PDCL2: variants seen among roughly 807,000 people sequenced by gnomAD.
The protein encoded by PDCL2 is phosducin like 2, also known as phosducin-like protein 2.
PDCL2 carries 23 observed loss-of-function variants against 30.3 expected under a neutral mutation model. The observed-to-expected ratio is 0.76, with a 90% confidence interval of 0.55 to 1.08. The LOEUF is 1.08. Ranked by LOEUF, PDCL2 falls within the 50% of genes least tolerant of loss-of-function variation. PDCL2 has a pLI of 0.00. For synonymous variants in PDCL2, 68 were observed against 86.2 expected (o/e 0.79, Z 1.17); for missense variants, 243 against 282.3 (o/e 0.86, Z 1.00).
At chr4:55,577,798 C>G (rs1199284057) in intron 3 of PDCL2, among the ~76,000 whole-genome samples, 1 of 152,076 alleles carries the variant, frequency 6.6e-6, no homozygotes, top group Non-Finnish European at 1.5e-5. Flanking sequence ...GTCTTAAAGT[C>G]TTTGTCTAGT....
At chr4:55,570,783 C>CT (rs969237439) in intron 3 of PDCL2, among the ~76,000 whole-genome samples, 17 of 152,192 alleles carry the variant, frequency 1.1e-4, no homozygotes, top group South Asian at 4.1e-4. Context: ...TGAAGCAAAT[C>CT]TAAATGGTTT....
chr4:55,589,237 G>C (rs1035123138), intron 1 of PDCL2, among the ~76,000 whole-genome samples: 1 of 152,120 alleles, frequency 6.6e-6, no homozygotes, highest in Admixed American at 6.6e-5. Flanking sequence ...TTGGTTCATG[G>C]TCTCATGGTG....
intron 3 of PDCL2, among the ~76,000 whole-genome samples, chr4:55,579,636 A>G (rs1163751225): frequency 6.6e-6 from 1 of 152,144 alleles, no homozygotes; most frequent in Admixed American, 6.5e-5. Context: ...TCTGAGTGCT[A>G]TATGTGCTCA....
At chr4:55,584,200 G>T (rs1480093321) in intron 1 of PDCL2, among the ~76,000 whole-genome samples, 4 of 151,828 alleles carry the variant, frequency 2.6e-5, no homozygotes, top group Admixed American at 2.6e-4. Context: ...TTCTTTCTCT[G>T]ATAGTTCATT....
chr4:55,568,095 A>G (rs1232366219), intron 4 of PDCL2, among the ~76,000 whole-genome samples: 1 of 152,184 alleles, frequency 6.6e-6, no homozygotes, highest in Non-Finnish European at 1.5e-5. Context: ...ACAGGGCTAT[A>G]ATTTGCATAA....
At chr4:55,562,369 C>G in intron 5 of PDCL2, 35 bp downstream of exon 5, 1 of 1,318,092 alleles carries the variant, frequency 7.6e-7, no homozygotes, top group African/African-American at 1.5e-5. Flanking sequence ...GATGTTTTCA[C>G]CTATCATTTT....
At chr4:55,563,165 AC>A (rs1480218888) in intron 4 of PDCL2, among the ~76,000 whole-genome samples, 1 of 152,162 alleles carries the variant, frequency 6.6e-6, no homozygotes, top group Admixed American at 6.5e-5. Flanking sequence ...TGTGACCACA[AC>A]CTCAGCTCTT....
Position 55,556,665 on chromosome 4 carries a change from C to T in PDCL2, c.618G>A (p.Leu206=), listed in dbSNP as rs1237416117. 1.9e-6 allele frequency: 3 copies of T among 1,569,756 alleles called. No homozygotes were observed. The highest frequency in any genetic ancestry group is 2.6e-6 in the Non-Finnish European group (3 of 1,155,556). ...CCATGTCTTTTCTGGGGTTTTCTTC[C>T]AAATCAGTCTGTATTGCTCCAACTT... The part of the protein sequence containing the change: ...LAEVGAIQTD[L]EENPRKDMVD... The change falls in exon 6 of 6, where the codon TTG becomes TTA. Residue 206 remains leucine (L), a synonymous_variant. Transcript: ENST00000295645.
At chr4:55,567,970 T>C (rs1055215071) in intron 4 of PDCL2, among the ~76,000 whole-genome samples, 5 of 152,240 alleles carry the variant, frequency 3.3e-5, no homozygotes, top group African/African-American at 1.2e-4. Context: ...ACCAAGAGTT[T>C]TAGTTATAAT....
chr4:55,585,188 T>C (rs1222751841), intron 1 of PDCL2, among the ~76,000 whole-genome samples: 1 of 152,202 alleles, frequency 6.6e-6, no homozygotes, highest in African/African-American at 2.4e-5. Flanking sequence ...TCTTTTCTTG[T>C]AATGTCCAGG....
At chr4:55,571,345 C>T (rs1732418032) in intron 3 of PDCL2, among the ~76,000 whole-genome samples, 1 of 151,708 alleles carries the variant, frequency 6.6e-6, no homozygotes, top group Non-Finnish European at 1.5e-5. Context: ...CTTTCAATAG[C>T]AACCATATCC....
intron 4 of PDCL2, among the ~76,000 whole-genome samples, chr4:55,563,657 CAA>C (rs1732190005): frequency 6.6e-6 from 1 of 152,204 alleles, no homozygotes; most frequent in Admixed American, 6.5e-5. Flanking sequence ...AGAGGAAACA[CAA>C]AGTGATTACC....
intron 4 of PDCL2, among the ~76,000 whole-genome samples, chr4:55,566,115 G>A (rs1267489030): frequency 1.3e-5 from 2 of 151,348 alleles, no homozygotes; most frequent in Non-Finnish European, 2.9e-5. Flanking sequence ...AAGTAACTGG[G>A]ATTATAGGGA....
chr4:55,561,472 G>A (rs1399913675), intron 5 of PDCL2, among the ~76,000 whole-genome samples: 2 of 152,068 alleles, frequency 1.3e-5, no homozygotes, highest in African/African-American at 4.8e-5. Flanking sequence ...CTGAGGCAGG[G>A]AGAATTGCTT....
At chr4:55,565,885 G>A (rs1363788025) in intron 4 of PDCL2, among the ~76,000 whole-genome samples, 2 of 149,772 alleles carry the variant, frequency 1.3e-5, no homozygotes, top group African/African-American at 5.0e-5. Flanking sequence ...CAGGCAAAAT[G>A]AACCCATTGT....
At chr4:55,566,680 G>C (rs1001081316) in intron 4 of PDCL2, among the ~76,000 whole-genome samples, 1 of 151,710 alleles carries the variant, frequency 6.6e-6, no homozygotes, top group Non-Finnish European at 1.5e-5. Flanking sequence ...CGCCTGCCTC[G>C]GCCTCCCAAA....
chr4:55,557,831 C>T (rs192033938), intron 5 of PDCL2, among the ~76,000 whole-genome samples: 329 of 151,708 alleles, frequency 2.2e-3, no homozygotes, highest in African/African-American at 7.3e-3. Flanking sequence ...GTTGGCCGAG[C>T]GTGGTGGCTC....
chr4:55,592,084 C>G lies in PDCL2; in HGVS notation c.6+20G>C, dbSNP rs769648519. On this transcript the variant is annotated intron_variant, in intron 1 of 5. Transcript: ENST00000295645. The stretch of plus-strand genomic sequence containing the variant: ...ACCCACTGGGTGTTCCAGGGTGGCT[C>G]GGCAGGTCCCGACCCTCACCTGCAT... The G allele has an allele frequency of 3.1e-6, 5 of 1,607,974 alleles. No homozygotes were observed. The highest frequency in any genetic ancestry group is 4.2e-6 in the Non-Finnish European group (5 of 1,177,936).
intron 4 of PDCL2, 132 bp downstream of exon 4, chr4:55,569,586 A>C: frequency 2.2e-6 from 1 of 446,924 alleles, no homozygotes; most frequent in Non-Finnish European, 3.8e-6. Context: ...CAAAACCTCT[A>C]TGGATGTATA....
Sources: allele counts gnomAD v4.1 joint callset (sites outside exome capture counted in the v4.1 genomes callset), GRCh38; gene constraint gnomAD v4.1.1; transcripts MANE v1.5; gene names NCBI Gene and HGNC (gene_info 2026-07-23, HGNC 2026-07-21).